The following ADGRF3 variants were observed in gnomAD, a reference collection of about 807,000 sequenced individuals.
ADGRF3 encodes adhesion G protein-coupled receptor F3.
Under a neutral mutation model 93.2 loss-of-function variants are expected in ADGRF3, and 85 were observed. That is an observed-to-expected ratio of 0.91 (90% CI 0.77 to 1.09). The LOEUF is 1.09. ADGRF3 is among the 50% of genes least tolerant of loss of function. The probability of loss-of-function intolerance (pLI) is 0.00; values close to 1 mark genes in which losing one functional copy is unlikely to be tolerated. For synonymous variants in ADGRF3, 534 were observed against 532.5 expected, an observed-to-expected ratio of 1.00 and a Z score of -0.04; for missense variants, 1,125 against 1,246.2, an observed-to-expected ratio of 0.90 and a Z score of 1.46.
Position 26,308,915 on chromosome 2 carries a change from A to G in ADGRF3, c.*171T>C, listed in dbSNP as rs1673780918. 3.8e-6 allele frequency: 3 copies of G among 786,352 alleles called. No individual in the cohort carries two copies. The highest frequency in any genetic ancestry group is 6.1e-6 in the Non-Finnish European group (3 of 492,050). 48.7% of individuals were successfully genotyped at this position (786,352 alleles called of 1,614,324 possible). The stretch of plus-strand genomic sequence containing the variant: ...CTTGCTGGATACTTTAGAAATGAGA[A>G]GGGGTGAGCTGTAAGATAAATGAGT... On this transcript the variant is annotated 3_prime_UTR_variant, in exon 14 of 14. Transcript: ENST00000651242.
chr2:26,319,581 T>A (rs890593613), intron 1 of ADGRF3, among the ~76,000 whole-genome samples: 1 of 47,068 alleles, frequency 2.1e-5, no homozygotes, highest in African/African-American at 7.3e-5. Context: ...CTTCCTTCCT[T>A]CCTTCCTTCC....
At position 26,311,546 on chromosome 2, in the gene ADGRF3, C is replaced by G; in HGVS notation, c.1978G>C (p.Gly660Arg). ...GCCTGGCACCCTTCTTTGGACCAAC[C>G]CCCCCTGCCCTGGAAGAGACTGTGA... ...WDHSLFQGRG[G>R]WSKEGCQAQV... Residue 660 changes from glycine (G) to arginine (R), a missense_variant, in exon 10 of 14, where the codon GGT (glycine) becomes CGT (arginine). By Grantham distance (125) the Gly-to-Arg change is moderately radical. Transcript: ENST00000651242. 1 of 1,613,840 alleles carries G rather than the reference C, an allele frequency of 6.2e-7. No homozygotes were observed. The highest frequency in any genetic ancestry group is 8.5e-7 in the Non-Finnish European group (1 of 1,179,756).
intron 5 of ADGRF3, 65 bp downstream of exon 5, chr2:26,315,457 G>GA: frequency 6.7e-7 from 1 of 1,491,888 alleles, no homozygotes; most frequent in Non-Finnish European, 9.0e-7. Flanking sequence ...AGCAGAGAAG[G>GA]AAGACGAGGA....
In ADGRF3 at chr2:26,315,558, CA is replaced by C. The variant is rs1301315104; in HGVS notation, c.681del (p.Ala228ProfsTer16). On this transcript the variant is annotated frameshift_variant, in exon 5 of 14. Coordinates refer to ENST00000651242, the MANE Select transcript of ADGRF3 (RefSeq NM_001321971.2). LOFTEE classifies it high-confidence loss of function. ...TGGGACATGTTGGAGACGCTGAGGGCAGCCTGGCCGTGGCTGGAAGTCACAG... is the reference window on the plus strand; with the variant it reads ...TGGGACATGTTGGAGACGCTGAGGGCGCCTGGCCGTGGCTGGAAGTCACAG... Reference protein sequence around the residue: ...QVSVTSSHGQAALSVSNMSHH... With the variant: ...QVSVTSSHGQXALSVSNMSHH... 16 of 1,551,324 alleles carry C rather than the reference CA, an allele frequency of 1.0e-5. No individual in the cohort carries two copies. The highest frequency in any genetic ancestry group is 2.0e-5 in the Admixed American group (1 of 50,976).
chr2:26,323,867 G>T (rs1304094854), intron 1 of ADGRF3, among the ~76,000 whole-genome samples: 1 of 152,010 alleles, frequency 6.6e-6, no homozygotes, highest in African/African-American at 2.4e-5. Context: ...GGCCTCAAAA[G>T]ATCCACCTGC....
At chr2:26,309,153 C>A in intron 13 of ADGRF3, 46 bp from the exon 14 acceptor site, 1 of 1,614,072 alleles carries the variant, frequency 6.2e-7, no homozygotes, top group Middle Eastern at 1.6e-4. Flanking sequence ...AGCCCAACTT[C>A]TGCAGGCTGC....
chr2:26,319,542 T>C (rs1445670751), intron 1 of ADGRF3, among the ~76,000 whole-genome samples: 3 of 92,306 alleles, frequency 3.3e-5, no homozygotes, highest in Non-Finnish European at 7.1e-5. Flanking sequence ...CCTTCCCTTC[T>C]TTCTCTCCCT....
chr2:26,309,061 G>T lies in ADGRF3; in HGVS notation c.*25C>A. 2 of 1,614,006 alleles carry T rather than the reference G, an allele frequency of 1.2e-6. No individual in the cohort carries two copies. Among genetic ancestry groups the T allele is most frequent in the Non-Finnish European group, 1.7e-6 (2 of 1,179,900 alleles). Reference sequence around the variant, plus strand: ...TCAAGCACACAGCCTCAACTCCCTTGCAGGAACATGGGTCCGTGTGTGGTT... The same window carrying T: ...TCAAGCACACAGCCTCAACTCCCTTTCAGGAACATGGGTCCGTGTGTGGTT... On this transcript the variant is annotated 3_prime_UTR_variant, in exon 14 of 14. Transcript: ENST00000651242.
chr2:26,343,739 G>A (rs574611471), intron 1 of ADGRF3, among the ~76,000 whole-genome samples: 4 of 152,266 alleles, frequency 2.6e-5, no homozygotes, highest in African/African-American at 9.6e-5. Context: ...CACGGCGCCC[G>A]GCCCAAATAC....
Position 26,311,735 on chromosome 2 carries a change from G to C in ADGRF3, c.1789C>G (p.Leu597Val). ...TSLVLRKLDH[L>V]LPSNYGQGLG... ...CCTTGTCCATAGTTTGAGGGCAGAA[G>C]GTGGTCCAGTTTTCGCAGCACCAGG... Residue 597 changes from leucine (L) to valine (V), a missense_variant, in exon 10 of 14, where the codon CTT becomes GTT. Transcript: ENST00000651242. 6.2e-7 allele frequency: 1 copy of C among 1,613,508 alleles called. No individual in the cohort carries two copies. The highest frequency in any genetic ancestry group is 1.1e-5 in the South Asian group (1 of 90,996).
At chr2:26,318,729 A>G (rs1344572972) in intron 1 of ADGRF3, 4 of 597,408 alleles carry the variant, frequency 6.7e-6, no homozygotes, top group South Asian at 2.5e-5. Flanking sequence ...CAGGTATCAT[A>G]TGAGTTTACA....
Position 26,311,146 on chromosome 2 carries a change from G to T in ADGRF3, c.2378C>A (p.Ala793Glu), listed in dbSNP as rs148184294. 1.3e-6 allele frequency: 2 copies of T among 1,595,442 alleles called. No homozygotes were observed. The highest frequency in any genetic ancestry group is 3.5e-5 in the Admixed American group (2 of 56,552). ...LYLATFFWMLAQALVLAHQLL... is the reference protein window; with the variant it reads ...LYLATFFWMLEQALVLAHQLL... ...CTGGTGGGCCAACACCAGGGCCTGC[G>T]CCAGCATCCAGAAAAAGGTGGCCAG... Residue 793 changes from alanine (A) to glutamate (E), a missense_variant, in exon 10 of 14, where the codon GCG (alanine) becomes GAG (glutamate). Coordinates refer to ENST00000651242, the MANE Select transcript of ADGRF3 (RefSeq NM_001321971.2).
intron 1 of ADGRF3, among the ~76,000 whole-genome samples, chr2:26,344,517 T>G (rs1676584798): frequency 6.6e-6 from 1 of 152,230 alleles, no homozygotes. Context: ...GCTCATTCAT[T>G]CAATAAAATA....
intron 3 of ADGRF3, among the ~76,000 whole-genome samples, chr2:26,316,649 G>A (rs538158871): frequency 2.0e-5 from 3 of 152,318 alleles, no homozygotes; most frequent in South Asian, 4.1e-4. Context: ...CGGGGGCCAG[G>A]GAACAGGTGA....
chr2:26,325,781 C>G (rs1233668336), intron 1 of ADGRF3, among the ~76,000 whole-genome samples: 2 of 152,156 alleles, frequency 1.3e-5, no homozygotes, highest in Admixed American at 1.3e-4. Context: ...GGGTTATAAT[C>G]TTATAAACTT....
Position 26,317,062 on chromosome 2 carries a change from G to A in ADGRF3, c.182-7C>T, listed in dbSNP as rs1320033808. 6.2e-7 allele frequency: 1 copy of A among 1,604,784 alleles called. No individual in the cohort carries two copies. The highest frequency in any genetic ancestry group is 8.5e-7 in the Non-Finnish European group (1 of 1,176,276). On this transcript the variant is annotated splice_region_variant and splice_polypyrimidine_tract_variant and intron_variant, in intron 2 of 13. Transcript: ENST00000651242. The stretch of plus-strand genomic sequence containing the variant: ...ACGGAGACCAGCGCTGATTCTACAG[G>A]AGCAGAGGGGACAGCTGGAGAGGAC...
At chr2:26,317,160 G>T in intron 2 of ADGRF3, 105 bp from the exon 3 acceptor site, 2 of 1,223,316 alleles carry the variant, frequency 1.6e-6, no homozygotes, top group Non-Finnish European at 2.3e-6. Flanking sequence ...ATGCAGAGCA[G>T]ACCCCCTCCC....
intron 1 of ADGRF3, chr2:26,340,551 T>C (rs58560619): frequency 0.4 from 60,536 of 152,114 alleles, 13,561 homozygotes; most frequent in Non-Finnish European, 0.51. Context: ...TACATTTGGT[T>C]GCATCTGCAT....
chr2:26,337,054 G>C (rs562241799), intron 1 of ADGRF3, among the ~76,000 whole-genome samples: 2 of 152,328 alleles, frequency 1.3e-5, no homozygotes, highest in African/African-American at 4.8e-5. Context: ...TCAGTGGTTT[G>C]CAAGTCTTTT....
Sources: gnomAD v4.1 joint callset for allele counts (sites outside exome capture counted in the v4.1 genomes callset) on GRCh38, gnomAD v4.1.1 for gene constraint, MANE v1.5 for transcripts, NCBI Gene and HGNC (gene_info 2026-07-23, HGNC 2026-07-21) for gene names.